The following ERC2 variants were observed in gnomAD, a reference collection of about 807,000 sequenced individuals.
ERC2 encodes the protein ERC protein 2.
A neutral mutation model predicts 114.8 loss-of-function variants in ERC2; 42 were observed. That is an observed-to-expected ratio of 0.37 (90% CI 0.29 to 0.47). The LOEUF (loss-of-function observed/expected upper bound fraction) is 0.47. Ranked by LOEUF, ERC2 falls within the 20% of genes least tolerant of loss-of-function variation. The probability of loss-of-function intolerance (pLI) is 0.99; values close to 1 mark genes in which losing one functional copy is unlikely to be tolerated. For missense variants in ERC2, 939 were observed against 1,150.7 expected (o/e 0.82, Z 2.66); for synonymous variants, 454 against 425.5 (o/e 1.07, Z -0.82).
rs1008037222 is a variant in ERC2 at position 56,397,270 on chromosome 3, G to A, written c.657+37081C>T. ...AGGCTGAGGCAAGAGAATCAGTTGA[G>A]CCCAGTAGGCTAAGGCTGCAGTGGG... On this transcript the variant is annotated intron_variant, in intron 2 of 17. Coordinates refer to ENST00000288221, the MANE Select transcript of ERC2 (RefSeq NM_015576.3). Among the ~76,000 whole-genome samples the A allele has an allele frequency of 2.6e-4, 40 of 151,772 alleles. 1 individual carries two copies. The highest frequency in any genetic ancestry group is 3.4e-3 in the Middle Eastern group (1 of 292).
chr3:56,435,768 C>G (rs908582406), intron 1 of ERC2, among the ~76,000 whole-genome samples: 4 of 152,236 alleles, frequency 2.6e-5, no homozygotes, highest in Non-Finnish European at 4.4e-5. Context: ...AACCTACTGG[C>G]TATCCTGGAG....
At chr3:56,034,300 A>G (rs1333383911) in intron 7 of ERC2, among the ~76,000 whole-genome samples, 1 of 152,160 alleles carries the variant, frequency 6.6e-6, no homozygotes, top group Non-Finnish European at 1.5e-5. Flanking sequence ...ATATATATAT[A>G]TATGCACCCA....
intron 14 of ERC2, among the ~76,000 whole-genome samples, chr3:55,871,965 G>A (rs2062603688): frequency 6.6e-6 from 1 of 152,112 alleles, no homozygotes; most frequent in Non-Finnish European, 1.5e-5. Flanking sequence ...TGTTTATACT[G>A]AAATATTTAC....
chr3:55,548,744 G>A (rs769197482), intron 17 of ERC2, among the ~76,000 whole-genome samples: 21 of 152,176 alleles, frequency 1.4e-4, no homozygotes, highest in Non-Finnish European at 2.4e-4. Flanking sequence ...TGGCTTAGAT[G>A]AGGGGTCCCA....
chr3:56,443,659 C>CT lies in ERC2; in HGVS notation c.-140-8513dup, dbSNP rs534626974. On this transcript the variant is annotated intron_variant, in intron 1 of 17. Transcript: ENST00000288221. ...TAAGGAGCTTGTTTTGACACTTGGG[C>CT]TTTTTTTTTTTGGTTGTTGTCTCCT... Among the ~76,000 whole-genome samples the CT allele has an allele frequency of 1.7e-3, 245 of 143,754 alleles. 1 individual carries two copies. Among genetic ancestry groups the CT allele is most frequent in the Middle Eastern group, 7.2e-3 (2 of 276 alleles). 94.3% of individuals were successfully genotyped at this position (143,754 alleles called of 152,430 possible).
At chr3:55,670,596 A>G (rs565381571) in intron 17 of ERC2, among the ~76,000 whole-genome samples, 6 of 152,272 alleles carry the variant, frequency 3.9e-5, no homozygotes, top group African/African-American at 1.4e-4. Flanking sequence ...GAGATTTTGG[A>G]GCTTTGTGAC....
At chr3:56,192,673 T>A (rs1221600789) in intron 3 of ERC2, among the ~76,000 whole-genome samples, 1 of 151,412 alleles carries the variant, frequency 6.6e-6, no homozygotes, top group Non-Finnish European at 1.5e-5. Flanking sequence ...CAGGCAGGAG[T>A]GGGAATCACC....
intron 5 of ERC2, among the ~76,000 whole-genome samples, chr3:56,140,088 G>T (rs1281070970): frequency 1.3e-5 from 2 of 152,022 alleles, no homozygotes; most frequent in Admixed American, 1.3e-4. Flanking sequence ...ATCATTCAAG[G>T]GCATCATTTG....
At chr3:56,235,584 A>G (rs2050888911) in intron 3 of ERC2, among the ~76,000 whole-genome samples, 1 of 152,112 alleles carries the variant, frequency 6.6e-6, no homozygotes, top group African/African-American at 2.4e-5. Flanking sequence ...GTTTTCCACC[A>G]TTCTCAACAC....
intron 2 of ERC2, among the ~76,000 whole-genome samples, chr3:56,338,033 C>T (rs945527340): frequency 3.3e-5 from 5 of 152,108 alleles, no homozygotes; most frequent in African/African-American, 9.7e-5. Context: ...TAGATGGTTA[C>T]ATTTGTATAA....
chr3:55,581,415 A>ATGGTACAGTAAACATCAG (rs1238690942), intron 17 of ERC2, among the ~76,000 whole-genome samples: 1 of 152,198 alleles, frequency 6.6e-6, no homozygotes, highest in African/African-American at 2.4e-5. Context: ...TGGTACAGTA[A>ATGGTACAGTAAACATCAG]TTACACTGAT....
chr3:56,046,025 T>C (rs1325874503), intron 7 of ERC2, among the ~76,000 whole-genome samples: 2 of 152,190 alleles, frequency 1.3e-5, no homozygotes, highest in African/African-American at 4.8e-5. Flanking sequence ...AGCCCCCGAC[T>C]AGAAGTGCTG....
At chr3:56,145,259 AAGG>A (rs2081077932) in intron 5 of ERC2, among the ~76,000 whole-genome samples, 2 of 152,180 alleles carry the variant, frequency 1.3e-5, no homozygotes, top group African/African-American at 2.4e-5. Context: ...ATTCAGAATA[AAGG>A]AGGAGATCTA....
intron 14 of ERC2, among the ~76,000 whole-genome samples, chr3:55,755,608 G>T (rs2067000307): frequency 3.3e-5 from 5 of 152,038 alleles, no homozygotes; most frequent in Admixed American, 3.3e-4. Context: ...TTATACTTCA[G>T]TTCTCAGGTT....
chr3:55,698,072 C>T (rs1367958236), intron 16 of ERC2, among the ~76,000 whole-genome samples: 1 of 152,004 alleles, frequency 6.6e-6, no homozygotes, highest in Non-Finnish European at 1.5e-5. Flanking sequence ...ATTGACACCT[C>T]TCTCCACATT....
chr3:55,966,865 C>T (rs1226247063), intron 12 of ERC2, among the ~76,000 whole-genome samples: 1 of 152,198 alleles, frequency 6.6e-6, no homozygotes, highest in African/African-American at 2.4e-5. Flanking sequence ...CTTCTCACCA[C>T]AGAAAACTCA....
chr3:55,828,772 T>C (rs1275819059), intron 14 of ERC2, among the ~76,000 whole-genome samples: 3 of 151,308 alleles, frequency 2.0e-5, no homozygotes, highest in Non-Finnish European at 4.4e-5. Context: ...CCAGGTTGAC[T>C]GCTAAGAAAA....
chr3:55,941,318 A>G (rs578132552), intron 13 of ERC2, among the ~76,000 whole-genome samples: 1 of 152,282 alleles, frequency 6.6e-6, no homozygotes, highest in East Asian at 1.9e-4. Context: ...CCCCTTCAGG[A>G]CCAAGACAGT....
chr3:56,016,472 C>T (rs1178400942), intron 8 of ERC2, among the ~76,000 whole-genome samples: 1 of 146,798 alleles, frequency 6.8e-6, no homozygotes, highest in Non-Finnish European at 1.5e-5. Context: ...CAAAAATATG[C>T]TTACCCATCT....
Sources: gnomAD v4.1 joint callset for allele counts (sites outside exome capture counted in the v4.1 genomes callset) on GRCh38, gnomAD v4.1.1 for gene constraint, MANE v1.5 for transcripts, NCBI Gene and HGNC (gene_info 2026-07-23, HGNC 2026-07-21) for gene names.